GIGYF2: variants seen among roughly 807,000 people sequenced by gnomAD.
GIGYF2 encodes the protein GRB10-interacting GYF protein 2.
GIGYF2 carries 25 observed loss-of-function variants against 208.1 expected under a neutral mutation model. That is an observed-to-expected ratio of 0.12 (90% CI 0.09 to 0.17). GIGYF2 has a LOEUF of 0.17. GIGYF2 is among the 10% of genes least tolerant of loss of function. The pLI, the probability that GIGYF2 is intolerant of heterozygous loss-of-function variation, is 1.00. For synonymous variants in GIGYF2, 534 were observed against 543.8 expected, an observed-to-expected ratio of 0.98 and a Z score of 0.25; for missense variants, 1,302 against 1,579.4, an observed-to-expected ratio of 0.82 and a Z score of 2.98.
At chr2:232,750,765 TTG>T (rs1354872435) in intron 5 of GIGYF2, among the ~76,000 whole-genome samples, 1 of 141,132 alleles carries the variant, frequency 7.1e-6, no homozygotes, top group Non-Finnish European at 1.6e-5. Context: ...GTGTGTATGT[TTG>T]TGTGTGTGTG....
intron 25 of GIGYF2, 102 bp from the exon 26 acceptor site, chr2:232,845,630 G>C: frequency 9.9e-7 from 1 of 1,009,716 alleles, no homozygotes; most frequent in Admixed American, 1.8e-5. Context: ...TTATTTACTG[G>C]GCATCCATCC....
chr2:232,746,369 CCTT>C (rs1478985694), intron 3 of GIGYF2, among the ~76,000 whole-genome samples: 2 of 151,788 alleles, frequency 1.3e-5, no homozygotes, highest in South Asian at 2.1e-4. Flanking sequence ...TAGATTATTC[CCTT>C]CTTTTTTGCT....
At chr2:232,713,175 A>G (rs1200538963) in intron 2 of GIGYF2, among the ~76,000 whole-genome samples, 2 of 151,032 alleles carry the variant, frequency 1.3e-5, no homozygotes, top group African/African-American at 4.9e-5. Flanking sequence ...TCTTGGGTTC[A>G]AGCTATTCTC....
At chr2:232,782,774 T>C (rs1320104840) in intron 8 of GIGYF2, 1 of 151,672 alleles carries the variant, frequency 6.6e-6, no homozygotes, top group South Asian at 2.1e-4. Flanking sequence ...AAGCCAGATA[T>C]AAATGAATAT....
intron 3 of GIGYF2, chr2:232,736,728 G>C (rs74927642): frequency 6.6e-6 from 1 of 151,956 alleles, no homozygotes; most frequent in African/African-American, 2.4e-5. Flanking sequence ...TACTTTCTTA[G>C]CCATTTTTTG....
chr2:232,847,548 C>T lies in GIGYF2; in HGVS notation c.3661C>T (p.Pro1221Ser). The change falls in exon 27 of 29, where the codon CCG becomes TCG. Residue 1221 changes from proline to serine, a missense_variant. Transcript: ENST00000373563. Reference protein sequence around the residue: ...QQQQQQPPQQPPQQPQQQDSV... With the variant: ...QQQQQQPPQQSPQQPQQQDSV... Reference sequence around the variant, plus strand: ...GCAGCAGCAGCAGCCGCCACAGCAGCCGCCACAGCAGCCACAACAGCAGGT... The same window carrying T: ...GCAGCAGCAGCAGCCGCCACAGCAGTCGCCACAGCAGCCACAACAGCAGGT... The T allele has an allele frequency of 1.9e-6, 3 of 1,611,786 alleles. No individual in the cohort carries two copies. Among genetic ancestry groups the T allele is most frequent in the Non-Finnish European group, 2.5e-6 (3 of 1,179,708 alleles).
At chr2:232,718,639 G>T (rs1175252295) in intron 2 of GIGYF2, among the ~76,000 whole-genome samples, 1 of 152,144 alleles carries the variant, frequency 6.6e-6, no homozygotes, top group Non-Finnish European at 1.5e-5. Context: ...TAGATTTAAT[G>T]GATATTGCCA....
At chr2:232,706,193 TTTCAGCCAGGGTTGTTTTTAGCAGATTG>T (rs1696102517) in intron 2 of GIGYF2, among the ~76,000 whole-genome samples, 1 of 152,244 alleles carries the variant, frequency 6.6e-6, no homozygotes, top group African/African-American at 2.4e-5. Flanking sequence ...TGTTACTTTT[TTTCAGCCAGGGTTGTTTTTAGCAGATTG>T]TAGCTGAATT....
rs759738443 is a variant in GIGYF2 at position 232,806,688 on chromosome 2, T to TA, written c.1806+32dup. 2.0e-4 allele frequency: 292 copies of TA among 1,477,406 alleles called. No homozygotes were observed. The highest frequency in any genetic ancestry group is 2.6e-4 in the Non-Finnish European group (277 of 1,055,790). The allele number at this position is 1,477,406 out of a possible 1,614,324, so 91.5% of individuals were successfully genotyped here. ...TACCTTTCACCTCACCTGGAATACA[T>TA]ATTAGTCACGGAAACACTTGATTCT... On this transcript the variant is annotated intron_variant, in intron 15 of 28. Coordinates refer to ENST00000373563, the MANE Select transcript of GIGYF2 (RefSeq NM_001103146.3). The surrounding 1 kb of genome is among the most constrained non-coding windows in gnomAD (Gnocchi z 4.0).
intron 2 of GIGYF2, chr2:232,729,964 A>G (rs1697381971): frequency 2.8e-6 from 2 of 723,382 alleles, no homozygotes; most frequent in South Asian, 1.5e-5. Context: ...ACAGGACCAT[A>G]CTTGACCAAA....
chr2:232,806,297 AAC>A lies in GIGYF2; in HGVS notation c.1640-190_1640-189del, dbSNP rs1700561057. The stretch of plus-strand genomic sequence containing the variant: ...TGCTGCTGATAATTTGGGATGTATA[AAC>A]ACAGACTTTATTTAAAAATTATTTT... On this transcript the variant is annotated intron_variant, in intron 14 of 28. Coordinates refer to ENST00000373563, the MANE Select transcript of GIGYF2 (RefSeq NM_001103146.3). The surrounding 1 kb of genome is among the most constrained non-coding windows in gnomAD (Gnocchi z 4.0). Among the ~76,000 whole-genome samples the A allele has an allele frequency of 6.6e-6, 1 of 152,252 alleles. No individual in the cohort carries two copies. The highest frequency in any genetic ancestry group is 1.5e-5 in the Non-Finnish European group (1 of 68,040).
At chr2:232,794,029 T>C (rs894034461) in intron 12 of GIGYF2, among the ~76,000 whole-genome samples, 6 of 152,130 alleles carry the variant, frequency 3.9e-5, no homozygotes, top group African/African-American at 1.4e-4. Context: ...TTTTAAAAAG[T>C]ATGGCAAAGA....
At chr2:232,844,009 C>T (rs1701910848) in intron 23 of GIGYF2, 37 bp from the exon 24 acceptor site, 2 of 1,594,874 alleles carry the variant, frequency 1.3e-6, no homozygotes, top group Non-Finnish European at 1.7e-6. Context: ...TATCTAAAAA[C>T]AGGAATCCTC....
At chr2:232,758,647 C>T (rs572936235) in intron 6 of GIGYF2, among the ~76,000 whole-genome samples, 2 of 152,072 alleles carry the variant, frequency 1.3e-5, no homozygotes, top group Non-Finnish European at 2.9e-5. Flanking sequence ...TTAGCAGGAC[C>T]GGTGTCAGTG....
intron 16 of GIGYF2, among the ~76,000 whole-genome samples, 200 bp downstream of exon 16, chr2:232,810,011 A>G (rs1323187390): frequency 1.3e-5 from 2 of 152,128 alleles, no homozygotes; most frequent in African/African-American, 4.8e-5. Context: ...TTTTTGAGAC[A>G]GAGCCTCACT....
chr2:232,700,176 A>G (rs947615245), intron 1 of GIGYF2, among the ~76,000 whole-genome samples: 1 of 152,208 alleles, frequency 6.6e-6, no homozygotes, highest in Middle Eastern at 3.2e-3. Context: ...CAGTGTGTGA[A>G]TGCAACTCCT....
In GIGYF2 at chr2:232,703,487, C is replaced by T. The variant is rs1468378817; in HGVS notation, c.-46C>T. 1 of 152,578 alleles carries T rather than the reference C, an allele frequency of 6.6e-6. No homozygotes were observed. The highest frequency in any genetic ancestry group is 6.5e-5 in the Admixed American group (1 of 15,270). 9.5% of individuals were successfully genotyped at this position (152,578 alleles called of 1,614,324 possible). A position where few individuals can be genotyped will look rare whatever the true frequency, so the allele number is the denominator to read the frequency against. On this transcript the variant is annotated splice_region_variant and 5_prime_UTR_variant, in exon 2 of 29. Transcript: ENST00000373563. The stretch of plus-strand genomic sequence containing the variant: ...GCTGTGAACCAGCAGAATTTTTGAA[C>T]AGGTAAGTGTGGAAGGGAAGCACAA...
chr2:232,809,123 T>C (rs1559447980), intron 15 of GIGYF2, among the ~76,000 whole-genome samples: 2 of 152,094 alleles, frequency 1.3e-5, no homozygotes, highest in African/African-American at 2.4e-5. Flanking sequence ...TTTTGTATTT[T>C]TAGTGGAGAC....
intron 22 of GIGYF2, among the ~76,000 whole-genome samples, chr2:232,836,395 T>TAA (rs1701637154): frequency 3.5e-5 from 3 of 86,808 alleles, no homozygotes; most frequent in African/African-American, 1.5e-4. Context: ...TATATATAAA[T>TAA]ATAAATATAT....
Sources: allele counts gnomAD v4.1 joint callset (sites outside exome capture counted in the v4.1 genomes callset), GRCh38; gene constraint gnomAD v4.1.1; non-coding constraint Gnocchi (gnomAD v3.1); transcripts MANE v1.5; gene names NCBI Gene and HGNC (gene_info 2026-07-23, HGNC 2026-07-21).